Variants in MDN1 observed in about 807,000 individuals in gnomAD.
MDN1 encodes midasin AAA ATPase 1.
A neutral mutation model predicts 669.2 loss-of-function variants in MDN1; 266 were observed. The observed-to-expected ratio is 0.40, with a 90% CI of 0.36 to 0.44. The LOEUF is 0.44. Among genes scored for constraint, MDN1 ranks in the 20% least tolerant of loss-of-function variants. The pLI, the probability that MDN1 is intolerant of heterozygous loss-of-function variation, is 1.00. For missense variants in MDN1, 5,940 were observed against 6,754.0 expected (o/e 0.88, Z 4.22); for synonymous variants, 2,385 against 2,457.1 (o/e 0.97, Z 0.87).
chr6:89,750,348 C>A lies in MDN1; in HGVS notation c.3406+6G>T, dbSNP rs1816875960. ...CTATGTCCATGGAATGGAATCTTAACCCTACCTTCCTTAAAGACAAGCTTC... is the reference window on the plus strand; with the variant it reads ...CTATGTCCATGGAATGGAATCTTAAACCTACCTTCCTTAAAGACAAGCTTC... On this transcript the variant is annotated splice_donor_region_variant and intron_variant, in intron 24 of 101. Transcript: ENST00000369393. The A allele has an allele frequency of 6.2e-7, 1 of 1,601,508 alleles. No individual in the cohort carries two copies. The highest frequency in any genetic ancestry group is 1.1e-5 in the South Asian group (1 of 90,432).
rs536360155 is a variant in MDN1 at position 89,730,154 on chromosome 6, T to C, written c.5140+572A>G. Among the ~76,000 whole-genome samples, 16 of 152,254 alleles carry C rather than the reference T, an allele frequency of 1.1e-4. No individual in the cohort carries two copies. The East Asian group carries it at 2.5e-3, about 24-fold the overall frequency. On this transcript the variant is annotated intron_variant, in intron 35 of 101. Transcript: ENST00000369393. Reference sequence around the variant, plus strand: ...ACTTGGTAGAGACAATCTAGTTAGATAGAAAGAGAGAAAGAATTAGAACAC... The same window carrying C: ...ACTTGGTAGAGACAATCTAGTTAGACAGAAAGAGAGAAAGAATTAGAACAC...
Position 89,708,625 on chromosome 6 carries a change from T to A in MDN1, c.7769A>T (p.Glu2590Val), listed in dbSNP as rs772582511. The A allele has an allele frequency of 1.2e-6, 2 of 1,612,872 alleles. No individual in the cohort carries two copies. Among genetic ancestry groups the A allele is most frequent in the Admixed American group, 3.3e-5 (2 of 59,774 alleles). Residue 2590 changes from glutamate to valine, a missense_variant, in exon 51 of 102, where the codon GAA becomes GTA. Physicochemically the swap from Glu to Val is moderately radical, Grantham distance 121 (BLOSUM62 -2). Coordinates refer to ENST00000369393, the MANE Select transcript of MDN1 (RefSeq NM_014611.3). ...FKILQPNTTDEFVIPLDPRWN... is the reference protein window; with the variant it reads ...FKILQPNTTDVFVIPLDPRWN... The stretch of plus-strand genomic sequence containing the variant: ...TCGGGGATCCAGAGGGATCACAAAT[T>A]CATCTAGTTTAAAAACAGAACAAAA...
rs750037877 is a variant in MDN1 at position 89,644,101 on chromosome 6, G to A, written c.16695C>T (p.Tyr5565=). 3 of 1,614,072 alleles carry A rather than the reference G, an allele frequency of 1.9e-6. No homozygotes were observed. The highest frequency in any genetic ancestry group is 2.2e-5 in the East Asian group (1 of 44,872). The change falls in exon 102 of 102, where the codon TAC becomes TAT. Residue 5565 remains tyrosine, a synonymous_variant. Coordinates refer to ENST00000369393, the MANE Select transcript of MDN1 (RefSeq NM_014611.3). The stretch of plus-strand genomic sequence containing the variant: ...CGTTTACATCTCGAAGAATGATATA[G>A]TATGGGAATGGGAACTCTTCCATGT... The part of the protein sequence containing the change: ...RSYMEEFPFP[Y]YIILRDVNAL...
At chr6:89,773,502 T>C (rs141558324) in intron 13 of MDN1, among the ~76,000 whole-genome samples, 1,577 of 141,794 alleles carry the variant, frequency 0.011, 25 homozygotes, top group African/African-American at 0.041. Flanking sequence ...ATCGCACCAC[T>C]GCACTCCAGC....
At position 89,700,666 on chromosome 6, in the gene MDN1, A is replaced by T; in HGVS notation, c.8618T>A (p.Ile2873Asn). The change falls in exon 56 of 102, where the codon ATT becomes AAT. Residue 2873 changes from isoleucine to asparagine, a missense_variant. By Grantham distance (149) the Ile-to-Asn change is moderately radical. Transcript: ENST00000369393. ...QAWGLILRAN[I>N]LEDVSLDELK... ...TTTACCTAGGCTGACATCTTCCAAA[A>T]TATTTGCTCTGAGGATCAGTCCCCA... is the stretch of plus-strand genomic sequence containing the variant. 1 of 1,614,184 alleles carries T rather than the reference A, an allele frequency of 6.2e-7. No individual in the cohort carries two copies. The highest frequency in any genetic ancestry group is 1.3e-5 in the African/African-American group (1 of 75,054).
At chr6:89,666,380 G>A (rs557905314) in intron 84 of MDN1, among the ~76,000 whole-genome samples, 31 of 152,216 alleles carry the variant, frequency 2.0e-4, no homozygotes, top group African/African-American at 6.7e-4. Flanking sequence ...ATTCTCCTGC[G>A]TCAGCTTCCG....
chr6:89,684,306 G>A (rs942700651), intron 71 of MDN1, among the ~76,000 whole-genome samples: 2 of 151,276 alleles, frequency 1.3e-5, no homozygotes, highest in African/African-American at 4.9e-5. Context: ...TCGTGCCACT[G>A]CACTCCAGCC....
chr6:89,695,757 C>T lies in MDN1; in HGVS notation c.9619G>A (p.Glu3207Lys), dbSNP rs763036878. Residue 3207 changes from glutamate to lysine, a missense_variant, in exon 61 of 102, where the codon GAA becomes AAA. Glu to Lys is a moderately conservative substitution (Grantham distance 56). Coordinates refer to ENST00000369393, the MANE Select transcript of MDN1 (RefSeq NM_014611.3). This position sits in a 1 kb window ranked among gnomAD's most constrained non-coding sequence, Gnocchi z 4.1. ...GGCAGGCTCCTCTTACTCTCCCCTT[C>T]ACCAACAAAGTGGTGCAGGGAGGTG... ...LLTSLHHFVG[E>K]GESKRSLPEP... 6.2e-7 allele frequency: 1 copy of T among 1,613,786 alleles called. No individual in the cohort carries two copies. Among genetic ancestry groups the T allele is most frequent in the Non-Finnish European group, 8.5e-7 (1 of 1,180,010 alleles).
chr6:89,797,827 A>T (rs1249513905), intron 2 of MDN1: 3 of 227,168 alleles, frequency 1.3e-5, no homozygotes, highest in Admixed American at 1.1e-4. Context: ...ATGCTCTTAA[A>T]CAATCCAAGT....
chr6:89,780,909 A>G (rs1223716227), intron 10 of MDN1, among the ~76,000 whole-genome samples: 2 of 151,628 alleles, frequency 1.3e-5, no homozygotes, highest in Non-Finnish European at 2.9e-5. Flanking sequence ...TCGGCCTCCC[A>G]AAGTGCTGGG....
chr6:89,653,951 T>C (rs1184006828), intron 93 of MDN1, among the ~76,000 whole-genome samples: 2 of 152,208 alleles, frequency 1.3e-5, no homozygotes, highest in African/African-American at 2.4e-5. Flanking sequence ...TTCAGGGGAC[T>C]CCTTAAAGGA....
At chr6:89,752,854 G>C (rs915595567) in intron 22 of MDN1, among the ~76,000 whole-genome samples, 1 of 152,172 alleles carries the variant, frequency 6.6e-6, no homozygotes, top group Non-Finnish European at 1.5e-5. Context: ...GCCGGGCACG[G>C]TGACTCACGC....
chr6:89,682,779 A>C (rs1811730864), intron 73 of MDN1, among the ~76,000 whole-genome samples: 1 of 147,252 alleles, frequency 6.8e-6, no homozygotes, highest in South Asian at 2.2e-4. Flanking sequence ...ATCTCTACAA[A>C]AAAAAAAAAA....
chr6:89,730,627 A>G, intron 35 of MDN1, 99 bp downstream of exon 35: 2 of 904,832 alleles, frequency 2.2e-6, no homozygotes, highest in East Asian at 2.5e-5. Context: ...TAGTGCAAAT[A>G]TAATCATGAG....
intron 46 of MDN1, among the ~76,000 whole-genome samples, chr6:89,714,192 C>T (rs1396922788): frequency 6.6e-6 from 1 of 152,186 alleles, no homozygotes; most frequent in East Asian, 1.9e-4. Context: ...CTTTAAACAA[C>T]TCAAAGTTTC....
Position 89,676,119 on chromosome 6 carries a change from G to A in MDN1, c.12628C>T (p.Leu4210=). 6.2e-7 allele frequency: 1 copy of A among 1,614,210 alleles called. No homozygotes were observed. Among genetic ancestry groups the A allele is most frequent in the Non-Finnish European group, 8.5e-7 (1 of 1,180,020 alleles). ...LARHARLNAA[L]ATPAKEMGMG... is the part of the protein sequence containing the mutation. ...CATTCTACCTTGGCAGGAGTTGCTAGTGCTGCGTTAAGCCTGGCATGCCGT... is the reference window on the plus strand; with the variant it reads ...CATTCTACCTTGGCAGGAGTTGCTAATGCTGCGTTAAGCCTGGCATGCCGT... The change falls in exon 77 of 102, where the codon CTA becomes TTA. Residue 4210 remains leucine, a synonymous_variant. Coordinates refer to ENST00000369393, the MANE Select transcript of MDN1 (RefSeq NM_014611.3).
At chr6:89,768,702 A>C (rs9451269) in intron 15 of MDN1, among the ~76,000 whole-genome samples, 79,695 of 151,866 alleles carry the variant, frequency 0.52, 21,342 homozygotes, top group East Asian at 0.68. Flanking sequence ...GCACCATGGT[A>C]CTCCAGGCTG....
At position 89,707,418 on chromosome 6, in the gene MDN1, C is replaced by A. The variant is rs755275067; in HGVS notation, c.7957G>T (p.Val2653Phe). 2 of 1,614,102 alleles carry A rather than the reference C, an allele frequency of 1.2e-6. No individual in the cohort carries two copies. Among genetic ancestry groups the A allele is most frequent in the Middle Eastern group, 1.6e-4 (1 of 6,062 alleles). Residue 2653 changes from valine to phenylalanine, a missense_variant, in exon 52 of 102, where the codon GTT becomes TTT. Val to Phe is a conservative substitution (Grantham distance 50). Around this residue, in one of 5 missense-constraint regions of MDN1, gnomAD observed 2,292 missense variants for 2,638.3 expected, o/e 0.87. Transcript: ENST00000369393. ...CTCTCTCTTAGCTTTTTGCTACCAA[C>A]AGAAACCAAATTTGCTTCAGTAAAA... ...RVFTEANLVSVGSKKLRESVL... is the reference protein window; with the variant it reads ...RVFTEANLVSFGSKKLRESVL...
intron 55 of MDN1, 147 bp from the exon 56 acceptor site, chr6:89,701,003 G>T (rs1813119724): frequency 1.4e-6 from 1 of 728,612 alleles, no homozygotes; most frequent in African/African-American, 1.8e-5. Flanking sequence ...GCTGTCAAGA[G>T]ATTTTACAGT....
Sources: gnomAD v4.1 joint callset for allele counts (sites outside exome capture counted in the v4.1 genomes callset) on GRCh38, gnomAD v4.1.1 for gene constraint, gnomAD v4.1.1 regional missense constraint, Gnocchi (gnomAD v3.1) non-coding constraint, MANE v1.5 for transcripts, NCBI Gene and HGNC (gene_info 2026-07-23, HGNC 2026-07-21) for gene names.